The following PSD2 variants were observed in gnomAD, a reference collection of about 807,000 sequenced individuals.
PSD2 encodes the protein PH and SEC7 domain-containing protein 2.
A neutral mutation model predicts 69.8 loss-of-function variants in PSD2; 38 were observed. The ratio of observed to expected loss-of-function variants is 0.54; its 90% CI spans 0.42 to 0.71. The LOEUF is 0.71. Ranked by LOEUF, PSD2 falls within the 30% of genes least tolerant of loss-of-function variation. The probability of loss-of-function intolerance (pLI) is 0.00; values close to 1 mark genes in which losing one functional copy is unlikely to be tolerated. For missense variants in PSD2, 943 were observed against 1,014.5 expected, an observed-to-expected ratio of 0.93 and a Z score of 0.96; for synonymous variants, 412 against 423.0, an observed-to-expected ratio of 0.97 and a Z score of 0.32.
chr5:139,800,059 G>C (rs1163851416), intron 1 of PSD2, among the ~76,000 whole-genome samples: 2 of 152,228 alleles, frequency 1.3e-5, no homozygotes, highest in Non-Finnish European at 2.9e-5. Context: ...GGGGATGGAT[G>C]GTGGGCTTCA....
the PSD2 span, among the ~76,000 whole-genome samples, chr5:139,746,919 C>T: frequency 7.2e-5 from 11 of 152,198 alleles, no homozygotes; most frequent in Admixed American, 5.9e-4. This position sits in a 1 kb window ranked among gnomAD's most constrained non-coding sequence, Gnocchi z 4.5. Flanking sequence ...GCACCCTGCT[C>T]CCAACCTCGG....
the PSD2 span, among the ~76,000 whole-genome samples, chr5:139,769,030 G>C: frequency 2.6e-5 from 4 of 152,162 alleles, no homozygotes; most frequent in Non-Finnish European, 5.9e-5. Context: ...TTCTGTCATT[G>C]GTGGAGGGTA....
intron 14 of PSD2, among the ~76,000 whole-genome samples, chr5:139,841,236 CAG>C (rs1760862831): frequency 6.6e-6 from 1 of 152,124 alleles, no homozygotes; most frequent in Non-Finnish European, 1.5e-5. Flanking sequence ...CCATTTATGT[CAG>C]AGTTTGCAAA....
the PSD2 span, chr5:139,745,329 A>G: frequency 6.6e-6 from 1 of 152,350 alleles, no homozygotes; most frequent in Non-Finnish European, 1.5e-5. Flanking sequence ...TCAATTTGCC[A>G]CAGGCAGATG....
chr5:139,759,270 A>G, the PSD2 span, among the ~76,000 whole-genome samples: 1 of 151,716 alleles, frequency 6.6e-6, no homozygotes, highest in Non-Finnish European at 1.5e-5. Flanking sequence ...TGAAAAATCC[A>G]ATTTTCTTCC....
rs1479892272 is a variant in PSD2 at position 139,843,801 on chromosome 5, T to C, written c.*1327T>C. On this transcript the variant is annotated 3_prime_UTR_variant, in exon 15 of 15. Coordinates refer to ENST00000274710, the MANE Select transcript of PSD2 (RefSeq NM_032289.4). ...GCCCTGCATTTCTCCAACTGACAAG[T>C]GGGTGGGGGTGATGGCACATTCAGT... is the stretch of plus-strand genomic sequence containing the variant. 6.6e-6 allele frequency: 1 copy of C among 152,180 alleles called. No homozygotes were observed. Among genetic ancestry groups the C allele is most frequent in the African/African-American group, 2.4e-5 (1 of 41,436 alleles). The allele number at this position is 152,180 out of a possible 1,614,324, so 9.4% of individuals were successfully genotyped here. A position where few individuals can be genotyped will look rare whatever the true frequency, so the allele number is the denominator to read the frequency against.
At chr5:139,768,749 C>T in the PSD2 span, among the ~76,000 whole-genome samples, 1 of 151,898 alleles carries the variant, frequency 6.6e-6, no homozygotes, top group African/African-American at 2.4e-5. Context: ...CAACACCTCC[C>T]TCCCTCCTGG....
In PSD2 at chr5:139,809,503, T is replaced by A. The variant is rs773577707; in HGVS notation, c.63T>A (p.Gly21=). ...PEEGDATRDP[G]PEPEEEPGVR... ...AAGGCGATGCCACCCGTGACCCCGG[T>A]CCAGAGCCTGAAGAGGAGCCAGGGG... Residue 21 remains glycine (G), a synonymous_variant, in exon 2 of 15, where the codon GGT becomes GGA. Transcript: ENST00000274710. The A allele has an allele frequency of 5.0e-6, 8 of 1,612,812 alleles. No homozygotes were observed. In the East Asian group the frequency reaches 1.8e-4, roughly 36 times the overall value.
At chr5:139,751,976 A>C in the PSD2 span, among the ~76,000 whole-genome samples, 1 of 151,814 alleles carries the variant, frequency 6.6e-6, no homozygotes, top group Non-Finnish European at 1.5e-5. Context: ...ATTTTTTTGT[A>C]GAGACTGGGT....
At chr5:139,773,935 A>G in the PSD2 span, among the ~76,000 whole-genome samples, 5 of 152,072 alleles carry the variant, frequency 3.3e-5, no homozygotes, top group East Asian at 1.9e-4. Context: ...TCCTACCAAC[A>G]GTGCACAAGG....
intron 7 of PSD2, among the ~76,000 whole-genome samples, chr5:139,830,592 T>TTTTCTTTCTTTCTTTC: frequency 1.2e-5 from 1 of 86,038 alleles, no homozygotes; most frequent in Non-Finnish European, 2.3e-5. Flanking sequence ...CTTTCTTTCT[T>TTTTCTTTCTTTCTTTC]TTTCTTTCTT....
In PSD2 at chr5:139,814,309, C is replaced by T; in HGVS notation, c.961C>T (p.Leu321Phe). The T allele has an allele frequency of 6.2e-7, 1 of 1,612,934 alleles. No homozygotes were observed. The highest frequency in any genetic ancestry group is 8.5e-7 in the Non-Finnish European group (1 of 1,179,564). Residue 321 changes from leucine to phenylalanine, a missense_variant, in exon 4 of 15, where the codon CTC becomes TTC. Around this residue, in one of 3 missense-constraint regions of PSD2, gnomAD observed 466 missense variants for 445.0 expected, o/e 1.05. Coordinates refer to ENST00000274710, the MANE Select transcript of PSD2 (RefSeq NM_032289.4). This position sits in a 1 kb window ranked among gnomAD's most constrained non-coding sequence, Gnocchi z 4.4. ...AGCTGCTCATCGGCTGGCACGCCGTCTCTACCACCTCGAGGGCTTCCAGCG... is the reference window on the plus strand; with the variant it reads ...AGCTGCTCATCGGCTGGCACGCCGTTTCTACCACCTCGAGGGCTTCCAGCG... ...SEAAHRLARR[L>F]YHLEGFQRCD...
Position 139,813,333 on chromosome 5 carries a change from T to C in PSD2, c.396T>C (p.Asp132=). 1 of 1,563,086 alleles carries C rather than the reference T, an allele frequency of 6.4e-7. No homozygotes were observed. Among genetic ancestry groups the C allele is most frequent in the South Asian group, 1.2e-5 (1 of 84,268 alleles). ...GGTTGGATGGTCCCGGGGAGCCAGATGTGCGGGATGGCTTCAGCGCCACGT... is the reference window on the plus strand; with the variant it reads ...GGTTGGATGGTCCCGGGGAGCCAGACGTGCGGGATGGCTTCAGCGCCACGT... ...QLGLDGPGEP[D]VRDGFSATFE... is the part of the protein sequence containing the mutation. The change falls in exon 3 of 15, where the codon GAT becomes GAC. Residue 132 remains aspartate, a synonymous_variant. Transcript: ENST00000274710.
At chr5:139,795,679 T>A (rs984757144), upstream of PSD2, 2 of 151,438 alleles carry the variant, frequency 1.3e-5, no homozygotes, top group African/African-American at 4.8e-5. This position sits in a 1 kb window ranked among gnomAD's most constrained non-coding sequence, Gnocchi z 4.5. Flanking sequence ...CGGACAGGGC[T>A]GGGGGCCGCG....
chr5:139,803,896 C>T (rs1213884936), intron 1 of PSD2, among the ~76,000 whole-genome samples: 1 of 152,096 alleles, frequency 6.6e-6, no homozygotes, highest in Non-Finnish European at 1.5e-5. Context: ...AACTCCAGGC[C>T]CCTTGGTTGG....
At chr5:139,752,941 C>A in the PSD2 span, among the ~76,000 whole-genome samples, 1 of 152,126 alleles carries the variant, frequency 6.6e-6, no homozygotes, top group Admixed American at 6.5e-5. Flanking sequence ...CCCTCCGCCC[C>A]CTACCCCCCA....
chr5:139,782,224 C>T, the PSD2 span, among the ~76,000 whole-genome samples: 1 of 152,192 alleles, frequency 6.6e-6, no homozygotes, highest in Admixed American at 6.5e-5. Flanking sequence ...ACTCTTGTTG[C>T]CCAGGCTGGA....
At chr5:139,784,606 C>T in the PSD2 span, among the ~76,000 whole-genome samples, 1 of 152,308 alleles carries the variant, frequency 6.6e-6, no homozygotes, top group African/African-American at 2.4e-5. Flanking sequence ...GCCCCTGCTG[C>T]CTCCCTGCTC....
the PSD2 span, among the ~76,000 whole-genome samples, chr5:139,776,214 C>G: frequency 6.6e-6 from 1 of 152,254 alleles, no homozygotes; most frequent in Admixed American, 6.5e-5. Context: ...TTCTGGGACC[C>G]CTGCCACCTC....
Sources: gnomAD v4.1 joint callset for allele counts (sites outside exome capture counted in the v4.1 genomes callset) on GRCh38, gnomAD v4.1.1 for gene constraint, gnomAD v4.1.1 regional missense constraint, Gnocchi (gnomAD v3.1) non-coding constraint, MANE v1.5 for transcripts, NCBI Gene and HGNC (gene_info 2026-07-23, HGNC 2026-07-21) for gene names.